The following LRRC4C variants were observed in gnomAD, a reference collection of about 807,000 sequenced individuals.
LRRC4C encodes the protein leucine rich repeat containing 4C.
Under a neutral mutation model 33.6 loss-of-function variants are expected in LRRC4C, and 5 were observed. That is an observed-to-expected ratio of 0.15 (90% CI 0.08 to 0.31). LRRC4C has a LOEUF of 0.31. Ranked by LOEUF, LRRC4C falls within the 10% of genes least tolerant of loss-of-function variation. LRRC4C has a pLI of 1.00. For synonymous variants in LRRC4C, 329 were observed against 302.0 expected (o/e 1.09, Z -0.93); for missense variants, 560 against 796.7 (o/e 0.70, Z 3.58).
chr11:40,596,153 C>T (rs1228240324), intron 3 of LRRC4C, among the ~76,000 whole-genome samples: 1 of 152,120 alleles, frequency 6.6e-6, no homozygotes, highest in Non-Finnish European at 1.5e-5. Flanking sequence ...AGGATGATAA[C>T]TTGGTTTGAC....
At position 40,769,266 on chromosome 11, in the gene LRRC4C, G is replaced by A. The variant is rs1949635441; in HGVS notation, c.-406-120988C>T. ...AAAATCAAATGCTTAAAAATAAACT[G>A]ATGCAAAGAAATGAAAAATCTGTAC... On this transcript the variant is annotated intron_variant, in intron 2 of 6. Coordinates refer to ENST00000528697, the MANE Select transcript of LRRC4C (RefSeq NM_001258419.2). 3.3e-5 allele frequency among the ~76,000 whole-genome samples: 5 copies of A among 151,904 alleles called. No homozygotes were observed. The South Asian group carries it at 1.0e-3, about 31-fold the overall frequency.
chr11:41,183,105 G>A (rs188277747), intron 1 of LRRC4C, among the ~76,000 whole-genome samples: 26 of 152,118 alleles, frequency 1.7e-4, no homozygotes, highest in African/African-American at 5.5e-4. Context: ...CCCATGACTC[G>A]TGGGAATTGT....
At chr11:40,358,809 T>A (rs1468837668) in intron 3 of LRRC4C, among the ~76,000 whole-genome samples, 1 of 152,144 alleles carries the variant, frequency 6.6e-6, no homozygotes, top group African/African-American at 2.4e-5. Flanking sequence ...ATAGTAATCA[T>A]CCTTTGAGAC....
rs548982180 is a variant in LRRC4C, at chr11:40,379,997, G to A, written c.-269-60276C>T. On this transcript the variant is annotated intron_variant, in intron 3 of 6. Transcript: ENST00000528697. ...AGTTTTGGAACTACTATGCAATGCA[G>A]ATTAATAAATGGCCTCTCAGACGTC... Among the ~76,000 whole-genome samples, 53 of 152,234 alleles carry A rather than the reference G, an allele frequency of 3.5e-4. No individual in the cohort carries two copies. The East Asian group carries it at 4.3e-3, about 12-fold the overall frequency.
At chr11:41,357,023 T>G (rs147431270) in intron 1 of LRRC4C, among the ~76,000 whole-genome samples, 284 of 152,148 alleles carry the variant, frequency 1.9e-3, no homozygotes, top group African/African-American at 6.4e-3. Flanking sequence ...TCAAGTGATT[T>G]GTTTACCTTG....
chr11:41,118,172 C>T (rs952779297), intron 1 of LRRC4C, among the ~76,000 whole-genome samples: 3 of 152,164 alleles, frequency 2.0e-5, no homozygotes, highest in African/African-American at 7.2e-5. Context: ...CTTGGAAATT[C>T]ACCCTTGACC....
At chr11:40,667,678 C>T (rs1034338784) in intron 2 of LRRC4C, among the ~76,000 whole-genome samples, 1 of 152,116 alleles carries the variant, frequency 6.6e-6, no homozygotes, top group African/African-American at 2.4e-5. Flanking sequence ...CTCTAGGAGC[C>T]CAGAGTGGCC....
chr11:40,811,077 G>C (rs564949224), intron 2 of LRRC4C, among the ~76,000 whole-genome samples: 1 of 152,206 alleles, frequency 6.6e-6, no homozygotes, highest in African/African-American at 2.4e-5. Context: ...CCTTGAGCAT[G>C]GCACTTTGAT....
intron 1 of LRRC4C, among the ~76,000 whole-genome samples, chr11:41,139,283 A>C (rs1017395904): frequency 1.3e-5 from 2 of 152,216 alleles, no homozygotes; most frequent in Non-Finnish European, 2.9e-5. Context: ...GGACTTATAT[A>C]CAATGTCTAT....
chr11:41,376,356 A>G (rs1952936355), intron 1 of LRRC4C, among the ~76,000 whole-genome samples: 1 of 152,160 alleles, frequency 6.6e-6, no homozygotes, highest in Admixed American at 6.5e-5. Context: ...AGCTTTACCT[A>G]TTGCCCAAAT....
At chr11:41,330,589 G>T (rs898902852) in intron 1 of LRRC4C, among the ~76,000 whole-genome samples, 1 of 151,792 alleles carries the variant, frequency 6.6e-6, no homozygotes, top group African/African-American at 2.4e-5. Context: ...TTCTTCCTTT[G>T]AGACAGGGTC....
At chr11:41,255,815 G>A (rs1313236654) in intron 1 of LRRC4C, among the ~76,000 whole-genome samples, 1 of 151,906 alleles carries the variant, frequency 6.6e-6, no homozygotes, top group East Asian at 1.9e-4. Context: ...TGCCAACTAC[G>A]TGTCTGGATC....
chr11:40,203,642 AAC>A (rs1421343306), intron 5 of LRRC4C, among the ~76,000 whole-genome samples: 1 of 152,208 alleles, frequency 6.6e-6, no homozygotes, highest in East Asian at 1.9e-4. Context: ...GAATTCTACA[AAC>A]AGAAAAGGGA....
chr11:40,611,061 T>C (rs1317418459), intron 3 of LRRC4C, among the ~76,000 whole-genome samples: 1 of 151,794 alleles, frequency 6.6e-6, no homozygotes, highest in Non-Finnish European at 1.5e-5. Context: ...GGATCCCAAA[T>C]AGCCAAAACA....
At chr11:41,394,363 T>C (rs1033198296) in intron 1 of LRRC4C, among the ~76,000 whole-genome samples, 10 of 151,944 alleles carry the variant, frequency 6.6e-5, no homozygotes, top group Non-Finnish European at 1.5e-4. Context: ...AATTTGCAAA[T>C]TTGAAAGGAA....
At chr11:40,686,077 T>A (rs1944938517) in intron 2 of LRRC4C, among the ~76,000 whole-genome samples, 1 of 152,032 alleles carries the variant, frequency 6.6e-6, no homozygotes, top group African/African-American at 2.4e-5. Flanking sequence ...TACTCTACAA[T>A]AACCTTGCAG....
chr11:40,975,436 C>G (rs115037150), intron 1 of LRRC4C, among the ~76,000 whole-genome samples: 2,108 of 152,300 alleles, frequency 0.014, 55 homozygotes, highest in African/African-American at 0.049. Context: ...TCCCTGCCTT[C>G]TCATTATTTC....
intron 3 of LRRC4C, among the ~76,000 whole-genome samples, chr11:40,431,131 G>T (rs1480145327): frequency 1.4e-5 from 2 of 138,560 alleles, no homozygotes; most frequent in African/African-American, 2.7e-5. Flanking sequence ...TAAGCACATT[G>T]TACTTTAAAA....
intron 1 of LRRC4C, among the ~76,000 whole-genome samples, chr11:41,286,854 T>TA (rs959059159): frequency 6.6e-6 from 1 of 151,930 alleles, no homozygotes; most frequent in Non-Finnish European, 1.5e-5. Flanking sequence ...GAAGACTCAG[T>TA]AAAAAATATG....
Sources: allele counts gnomAD v4.1 joint callset (sites outside exome capture counted in the v4.1 genomes callset), GRCh38; gene constraint gnomAD v4.1.1; transcripts MANE v1.5; gene names NCBI Gene and HGNC (gene_info 2026-07-23, HGNC 2026-07-21).